The following RYR2 variants were observed in gnomAD, a reference collection of about 807,000 sequenced individuals.
The protein encoded by RYR2 is cardiac muscle ryanodine receptor-calcium release channel.
Under a neutral mutation model 601.1 loss-of-function variants are expected in RYR2, and 227 were observed. That is an observed-to-expected ratio of 0.38 (90% CI 0.34 to 0.42). The LOEUF is 0.42. Ranked by LOEUF, RYR2 falls within the 10% of genes least tolerant of loss-of-function variation. RYR2 has a pLI of 1.00. For synonymous variants in RYR2, 2,223 were observed against 2,175.1 expected (o/e 1.02, Z -0.61); for missense variants, 4,646 against 6,156.5 (o/e 0.75, Z 8.21).
At chr1:237,213,915 C>CTTT (rs71180008) in intron 1 of RYR2, among the ~76,000 whole-genome samples, 89 of 65,486 alleles carry the variant, frequency 1.4e-3, no homozygotes, top group Admixed American at 1.6e-3. Flanking sequence ...TTTTCTTTTT[C>CTTT]TTTTTTTTTT....
intron 9 of RYR2, 51 bp from the exon 10 acceptor site, chr1:237,388,036 T>C: frequency 2.0e-6 from 3 of 1,500,836 alleles, no homozygotes; most frequent in Non-Finnish European, 1.8e-6. Flanking sequence ...TGTCTGGCTA[T>C]CAGCACCTGA....
chr1:237,625,063 T>C (rs577413548), intron 39 of RYR2, among the ~76,000 whole-genome samples: 64 of 151,850 alleles, frequency 4.2e-4, no homozygotes, highest in Non-Finnish European at 7.8e-4. Flanking sequence ...TTTTTTTTTT[T>C]CTACAAGTAT....
At chr1:237,809,870 T>A (rs1370493642) in intron 100 of RYR2, among the ~76,000 whole-genome samples, 2 of 152,050 alleles carry the variant, frequency 1.3e-5, no homozygotes, top group African/African-American at 4.8e-5. Context: ...CAGATGCAAA[T>A]ACTCACGGAA....
chr1:237,798,503 C>A (rs1367700634), intron 97 of RYR2, among the ~76,000 whole-genome samples: 1 of 152,010 alleles, frequency 6.6e-6, no homozygotes, highest in East Asian at 1.9e-4. Flanking sequence ...TGGCTGTTTT[C>A]TGGTAATTCC....
chr1:237,594,886 G>GTTTTTTTTTTTTT (rs776702428), intron 33 of RYR2, among the ~76,000 whole-genome samples: 6 of 60,414 alleles, frequency 9.9e-5, no homozygotes, highest in African/African-American at 1.9e-4. Flanking sequence ...ATATCACTGG[G>GTTTTTTTTTTTTT]TTTTTTTTTT....
chr1:237,287,833 T>A (rs548339412), intron 2 of RYR2, among the ~76,000 whole-genome samples: 2 of 152,266 alleles, frequency 1.3e-5, no homozygotes, highest in South Asian at 4.1e-4. Flanking sequence ...TTCTTCTTGG[T>A]TTGGAGCCAT....
chr1:237,302,101 A>G (rs1019326426), intron 2 of RYR2, among the ~76,000 whole-genome samples: 2 of 152,182 alleles, frequency 1.3e-5, no homozygotes, highest in East Asian at 1.9e-4. Flanking sequence ...ATATTATTGC[A>G]ATATGTGTTT....
chr1:237,306,729 A>T (rs1261281406), intron 2 of RYR2, among the ~76,000 whole-genome samples: 19 of 152,210 alleles, frequency 1.2e-4, no homozygotes, highest in Non-Finnish European at 8.8e-5. Flanking sequence ...GTAACCAAAA[A>T]GAGCTAGAAG....
At chr1:237,451,574 C>G (rs1658121234) in intron 14 of RYR2, among the ~76,000 whole-genome samples, 1 of 83,894 alleles carries the variant, frequency 1.2e-5, no homozygotes, top group South Asian at 5.2e-4. Context: ...GAGTGAAACT[C>G]TGTCTCAAAA....
intron 28 of RYR2, among the ~76,000 whole-genome samples, chr1:237,566,984 T>C (rs938043951): frequency 2.0e-5 from 3 of 152,202 alleles, no homozygotes; most frequent in African/African-American, 7.2e-5. Context: ...ACATTGCTTT[T>C]CCATGGTTAT....
intron 54 of RYR2, 95 bp from the exon 55 acceptor site, chr1:237,659,890 T>C (rs1683605336): frequency 1.4e-6 from 1 of 710,112 alleles, no homozygotes; most frequent in Non-Finnish European, 2.3e-6. Context: ...TCATTTTAGG[T>C]TTATTTTATC....
chr1:237,494,982 G>T (rs1663889900), intron 19 of RYR2, among the ~76,000 whole-genome samples: 1 of 151,948 alleles, frequency 6.6e-6, no homozygotes, highest in Non-Finnish European at 1.5e-5. Context: ...GTAGAGACGG[G>T]GTTTCACCAT....
chr1:237,112,740 C>G (rs1669635313), intron 1 of RYR2, among the ~76,000 whole-genome samples: 1 of 152,112 alleles, frequency 6.6e-6, no homozygotes, highest in Non-Finnish European at 1.5e-5. Flanking sequence ...TGATTTATCT[C>G]CCCATGAGGA....
At chr1:237,151,126 G>T (rs1309123151) in intron 1 of RYR2, among the ~76,000 whole-genome samples, 1 of 152,052 alleles carries the variant, frequency 6.6e-6, no homozygotes, top group Non-Finnish European at 1.5e-5. Flanking sequence ...AGTTTTAGAG[G>T]TTATTTAATT....
intron 46 of RYR2, among the ~76,000 whole-genome samples, chr1:237,640,624 G>A (rs1234387290): frequency 6.6e-6 from 1 of 152,116 alleles, no homozygotes; most frequent in African/African-American, 2.4e-5. Context: ...AGGAAAAGAA[G>A]CCATCAAATA....
intron 100 of RYR2, among the ~76,000 whole-genome samples, chr1:237,810,106 T>C (rs1332773298): frequency 6.6e-6 from 1 of 151,982 alleles, no homozygotes; most frequent in Non-Finnish European, 1.5e-5. Flanking sequence ...CATTTTTACA[T>C]GGAGAACGGT....
intron 58 of RYR2, among the ~76,000 whole-genome samples, chr1:237,670,114 C>T (rs1446318632): frequency 6.6e-6 from 1 of 152,072 alleles, no homozygotes; most frequent in African/African-American, 2.4e-5. Context: ...CAGCGAAACC[C>T]CGTCTCCACC....
chr1:237,751,471 C>T (rs1692532172), intron 80 of RYR2, among the ~76,000 whole-genome samples: 1 of 152,100 alleles, frequency 6.6e-6, no homozygotes, highest in African/African-American at 2.4e-5. Context: ...GTCAACTGGA[C>T]CCTGAAATAG....
rs565608144 is a variant in RYR2 at position 237,130,186 on chromosome 1, ACAT to A, written c.48+87620_48+87622del. 1.6e-3 allele frequency among the ~76,000 whole-genome samples: 243 copies of A among 152,302 alleles called. 3 individuals carry two copies. Among genetic ancestry groups the A allele is most frequent in the African/African-American group, 5.6e-3 (231 of 41,566 alleles). ...TTTCACATTATATACATATGTCAAA[ACAT>A]CACGTTGTACACAGCAAATATACAT... On this transcript the variant is annotated intron_variant, in intron 1 of 104. Transcript: ENST00000366574.
Sources: allele counts gnomAD v4.1 joint callset (sites outside exome capture counted in the v4.1 genomes callset), GRCh38; gene constraint gnomAD v4.1.1; transcripts MANE v1.5; gene names NCBI Gene and HGNC (gene_info 2026-07-23, HGNC 2026-07-21).